The following DRC11 variants were observed in gnomAD, a reference collection of about 807,000 sequenced individuals.
DRC11 encodes dynein regulatory complex subunit 11.
chr2:236,434,842 C>T, the DRC11 span, among the ~76,000 whole-genome samples: 1 of 152,202 alleles, frequency 6.6e-6, no homozygotes, highest in African/African-American at 2.4e-5. This position sits in a 1 kb window ranked among gnomAD's most constrained non-coding sequence, Gnocchi z 5.5. Flanking sequence ...TTGCCATGGA[C>T]TTTCAAGACA....
At chr2:236,423,165 C>CA in the DRC11 span, among the ~76,000 whole-genome samples, 1 of 151,658 alleles carries the variant, frequency 6.6e-6, no homozygotes, top group South Asian at 2.1e-4. Flanking sequence ...TCTAAAACAC[C>CA]AAAAGCAATG....
At chr2:236,500,503 T>C in the DRC11 span, among the ~76,000 whole-genome samples, 2 of 152,278 alleles carry the variant, frequency 1.3e-5, no homozygotes, top group East Asian at 3.9e-4. This position sits in a 1 kb window ranked among gnomAD's most constrained non-coding sequence, Gnocchi z 6.3. Flanking sequence ...GAATTCTGCC[T>C]TTAGAATCCC....
chr2:236,406,685 T>C, the DRC11 span, among the ~76,000 whole-genome samples: 1 of 151,922 alleles, frequency 6.6e-6, no homozygotes, highest in Admixed American at 6.6e-5. This position sits in a 1 kb window ranked among gnomAD's most constrained non-coding sequence, Gnocchi z 4.7. Context: ...TAAAAATTAA[T>C]ATGCACCAAA....
At chr2:236,504,965 G>T in the DRC11 span, among the ~76,000 whole-genome samples, 1 of 152,208 alleles carries the variant, frequency 6.6e-6, no homozygotes, top group Non-Finnish European at 1.5e-5. This position sits in a 1 kb window ranked among gnomAD's most constrained non-coding sequence, Gnocchi z 5.0. Context: ...CCAGTCTCGG[G>T]TATGTCTTTA....
the DRC11 span, chr2:236,493,905 TAA>T: frequency 6.4e-7 from 1 of 1,571,858 alleles, no homozygotes; most frequent in East Asian, 2.3e-5. Context: ...AGAGAAAGAA[TAA>T]AAAAGAGTAT....
At chr2:236,498,712 T>C in the DRC11 span, among the ~76,000 whole-genome samples, 149 of 152,282 alleles carry the variant, frequency 9.8e-4, no homozygotes, top group Non-Finnish European at 1.3e-3. Context: ...CCCAGAATAC[T>C]GCCCCATCCT....
the DRC11 span, among the ~76,000 whole-genome samples, chr2:236,320,951 G>A: frequency 6.6e-6 from 1 of 151,986 alleles, no homozygotes; most frequent in South Asian, 2.1e-4. Flanking sequence ...CCTTCCAGGA[G>A]GACTTTGGGT....
At chr2:236,496,254 T>G in the DRC11 span, among the ~76,000 whole-genome samples, 1 of 152,206 alleles carries the variant, frequency 6.6e-6, no homozygotes, top group Non-Finnish European at 1.5e-5. This position sits in a 1 kb window ranked among gnomAD's most constrained non-coding sequence, Gnocchi z 6.3. Flanking sequence ...TCAGTTATTC[T>G]CATTACTCCA....
chr2:236,428,912 T>G, the DRC11 span, among the ~76,000 whole-genome samples: 12 of 152,260 alleles, frequency 7.9e-5, no homozygotes, highest in Admixed American at 2.0e-4. Context: ...TTCTCTGTCA[T>G]GTAATTCATG....
At chr2:236,489,811 G>A in the DRC11 span, among the ~76,000 whole-genome samples, 1 of 152,148 alleles carries the variant, frequency 6.6e-6, no homozygotes, top group African/African-American at 2.4e-5. Flanking sequence ...TGCAGTCCCA[G>A]CCACTTGGGA....
chr2:236,467,244 C>T, the DRC11 span, among the ~76,000 whole-genome samples: 1 of 152,082 alleles, frequency 6.6e-6, no homozygotes, highest in Admixed American at 6.5e-5. Context: ...TCTATTATTT[C>T]TTTTTCTCCA....
the DRC11 span, chr2:236,364,110 C>T: frequency 1.4e-6 from 1 of 734,368 alleles, no homozygotes; most frequent in Non-Finnish European, 2.2e-6. Flanking sequence ...GCGTCCAAAG[C>T]ATTTCAAACC....
At chr2:236,331,441 T>G in the DRC11 span, 1 of 1,614,030 alleles carries the variant, frequency 6.2e-7, no homozygotes, top group South Asian at 1.1e-5. The surrounding 1 kb of genome is among the most constrained non-coding windows in gnomAD (Gnocchi z 4.8). Flanking sequence ...GAGAGGTTTA[T>G]GAATTTGCCG....
chr2:236,363,930 T>C, the DRC11 span: 7 of 1,613,958 alleles, frequency 4.3e-6, no homozygotes, highest in Non-Finnish European at 5.9e-6. This position sits in a 1 kb window ranked among gnomAD's most constrained non-coding sequence, Gnocchi z 5.6. Context: ...ACGGCCCGGC[T>C]AACAGTAGCG....
At chr2:236,345,550 C>T in the DRC11 span, among the ~76,000 whole-genome samples, 1 of 152,186 alleles carries the variant, frequency 6.6e-6, no homozygotes, top group Non-Finnish European at 1.5e-5. Flanking sequence ...ACTCGGGCCC[C>T]CACGAGGCTA....
chr2:236,386,940 C>A, the DRC11 span, among the ~76,000 whole-genome samples: 1 of 145,058 alleles, frequency 6.9e-6, no homozygotes, highest in South Asian at 2.3e-4. Context: ...CATTCAGGAG[C>A]AGGTTGTTCA....
chr2:236,402,935 ATCTGTCTG>A, the DRC11 span, among the ~76,000 whole-genome samples: 4 of 152,178 alleles, frequency 2.6e-5, no homozygotes, highest in Non-Finnish European at 5.9e-5. This position sits in a 1 kb window ranked among gnomAD's most constrained non-coding sequence, Gnocchi z 6.0. Context: ...ATTATTTATC[ATCTGTCTG>A]TCTGTCTGTC....
At chr2:236,447,140 C>G in the DRC11 span, among the ~76,000 whole-genome samples, 5 of 151,604 alleles carry the variant, frequency 3.3e-5, no homozygotes, top group Non-Finnish European at 5.9e-5. This position sits in a 1 kb window ranked among gnomAD's most constrained non-coding sequence, Gnocchi z 4.6. Flanking sequence ...TGGGACCTGT[C>G]TCCATTAAAG....
the DRC11 span, among the ~76,000 whole-genome samples, chr2:236,423,076 T>TA: frequency 6.6e-6 from 1 of 151,092 alleles, no homozygotes; most frequent in African/African-American, 2.4e-5. Flanking sequence ...ACTTAAACGT[T>TA]AGACCTAAAA....
Sources: gnomAD v4.1 joint callset for allele counts (sites outside exome capture counted in the v4.1 genomes callset) on GRCh38, gnomAD v4.1.1 for gene constraint, Gnocchi (gnomAD v3.1) non-coding constraint, MANE v1.5 for transcripts, NCBI Gene and HGNC (gene_info 2026-07-23, HGNC 2026-07-21) for gene names.